MMP17: variants seen among roughly 807,000 people sequenced by gnomAD.
MMP17 encodes matrix metallopeptidase 17.
Under a neutral mutation model 49.1 loss-of-function variants are expected in MMP17, and 54 were observed. That is an observed-to-expected ratio of 1.10 (90% CI 0.88 to 1.38). MMP17 has a LOEUF of 1.38. Among genes scored for constraint, MMP17 ranks in the 40% most tolerant of loss-of-function variants. The pLI is 0.00. For synonymous variants in MMP17, 397 were observed against 383.1 expected (o/e 1.04, Z -0.42); for missense variants, 837 against 853.7 (o/e 0.98, Z 0.24).
In MMP17 at chr12:131,851,275, C is replaced by T. The variant is rs753123184; in HGVS notation, c.*1C>T. ...AGCGGCCCAGGCCCTGACGCTATGA[C>T]ACACAGCGCGAGCCCATGAGAGGAC... On this transcript the variant is annotated 3_prime_UTR_variant, in exon 10 of 10. Transcript: ENST00000360564. 3.9e-5 allele frequency: 56 copies of T among 1,418,820 alleles called. No homozygotes were observed. Among genetic ancestry groups the T allele is most frequent in the Non-Finnish European group, 5.2e-5 (56 of 1,083,256 alleles). The allele number at this position is 1,418,820 out of a possible 1,614,324, so 87.9% of individuals were successfully genotyped here.
intron 8 of MMP17, among the ~76,000 whole-genome samples, chr12:131,847,339 G>A (rs973406168): frequency 6.6e-6 from 1 of 151,402 alleles, no homozygotes; most frequent in Admixed American, 6.6e-5. Flanking sequence ...CGTGAACCTG[G>A]GAGGCGGAGT....
At chr12:131,830,990 C>T (rs1309261641) in intron 1 of MMP17, among the ~76,000 whole-genome samples, 2 of 152,224 alleles carry the variant, frequency 1.3e-5, no homozygotes, top group Non-Finnish European at 2.9e-5. Context: ...GCCTCCCTCC[C>T]GCCCCTGGTT....
chr12:131,836,818 C>G (rs1887107376), intron 1 of MMP17, among the ~76,000 whole-genome samples: 1 of 152,198 alleles, frequency 6.6e-6, no homozygotes, highest in African/African-American at 2.4e-5. Context: ...AGCTTCATGG[C>G]AGCCTGCAAG....
intron 5 of MMP17, among the ~76,000 whole-genome samples, chr12:131,843,029 T>A (rs1465041831): frequency 6.6e-6 from 1 of 152,020 alleles, no homozygotes; most frequent in Non-Finnish European, 1.5e-5. Flanking sequence ...GGAGTCTCAC[T>A]CTGTCACCCA....
chr12:131,834,694 T>TG lies in MMP17; in HGVS notation c.160-3494dup, dbSNP rs779367617. Among the ~76,000 whole-genome samples the TG allele has an allele frequency of 1.1e-4, 16 of 151,594 alleles. 1 individual carries two copies. Among genetic ancestry groups the TG allele is most frequent in the Admixed American group, 6.6e-4 (10 of 15,230 alleles). ...ATTTGCCCTGAGCTGCTGGCTGCAG[T>TG]GGGGGGGTTTGCCCCAGGACTGTGC... On this transcript the variant is annotated intron_variant, in intron 1 of 9. Transcript: ENST00000360564.
intron 7 of MMP17, 28 bp downstream of exon 7, chr12:131,845,228 G>C (rs1180261625): frequency 1.9e-6 from 3 of 1,613,886 alleles, no homozygotes; most frequent in Non-Finnish European, 2.5e-6. Context: ...GTGGCGGTTG[G>C]CTGAGGGCCA....
rs1203533660 is a variant in MMP17, at chr12:131,828,401, G to T, written c.-94G>T. ...GCTGCCGCGCGGGGCTCAGTCCGGC[G>T]GGGGCGCCGCGGAGAGCGGAGGGCG... On this transcript the variant is annotated 5_prime_UTR_variant, in exon 1 of 10. Coordinates refer to ENST00000360564, the MANE Select transcript of MMP17 (RefSeq NM_016155.7). 1 of 745,004 alleles carries T rather than the reference G, an allele frequency of 1.3e-6. No individual in the cohort carries two copies. Among genetic ancestry groups the T allele is most frequent in the Non-Finnish European group, 1.6e-6 (1 of 610,372 alleles). The allele number at this position is 745,004 out of a possible 1,614,324, so 46.1% of individuals were successfully genotyped here.
In MMP17 at chr12:131,847,039, A is replaced by C. The variant is rs141110831; in HGVS notation, c.1204+1590A>C. On this transcript the variant is annotated intron_variant, in intron 8 of 9. Transcript: ENST00000360564. Reference sequence around the variant, plus strand: ...GAGGCAGGAGGACCACCTGAGCCAGAAGGTCAAGGCTGCACTGCACCATGA... The same window carrying C: ...GAGGCAGGAGGACCACCTGAGCCAGCAGGTCAAGGCTGCACTGCACCATGA... 9.2e-3 allele frequency among the ~76,000 whole-genome samples: 1,395 copies of C among 151,342 alleles called. 6 individuals are homozygous for C. Among genetic ancestry groups the C allele is most frequent in the Non-Finnish European group, 0.013 (884 of 67,750 alleles).
rs894355506 is a variant in MMP17 at position 131,851,718 on chromosome 12, G to A, written c.*444G>A. 9.1e-5 allele frequency: 15 copies of A among 164,742 alleles called. No individual in the cohort carries two copies. The East Asian group carries it at 1.0e-3, about 11-fold the overall frequency. 10.2% of individuals were successfully genotyped at this position (164,742 alleles called of 1,614,324 possible). A position where few individuals can be genotyped will look rare whatever the true frequency, so the allele number is the denominator to read the frequency against. ...ACAGACGAGCCCCCCACATGGTGCC[G>A]CGGCACGTCCCCCCTGTGACGCGTT... On this transcript the variant is annotated 3_prime_UTR_variant, in exon 10 of 10. Transcript: ENST00000360564.
intron 8 of MMP17, 35 bp downstream of exon 8, chr12:131,845,484 C>A (rs79420934): frequency 2.0e-6 from 3 of 1,531,354 alleles, no homozygotes; most frequent in Non-Finnish European, 1.8e-6. Flanking sequence ...CCGGGCTTCC[C>A]GGGCCCTCTG....
intron 3 of MMP17, among the ~76,000 whole-genome samples, chr12:131,839,214 G>A (rs1214500109): frequency 4.6e-5 from 7 of 152,124 alleles, no homozygotes; most frequent in South Asian, 2.1e-4. Context: ...TCCGCGCGCA[G>A]CCTCCTCTCC....
At chr12:131,842,537 G>A (rs546488192) in intron 5 of MMP17, among the ~76,000 whole-genome samples, 81 of 152,280 alleles carry the variant, frequency 5.3e-4, no homozygotes, top group African/African-American at 1.9e-3. Context: ...ACTTTGGGAG[G>A]CTGAGGCGGG....
intron 1 of MMP17, among the ~76,000 whole-genome samples, chr12:131,836,157 C>T (rs2136315233): frequency 6.6e-6 from 1 of 152,240 alleles, no homozygotes; most frequent in Non-Finnish European, 1.5e-5. Flanking sequence ...GGCTGAGGGG[C>T]TGGGCTGGGT....
chr12:131,838,181 C>T lies in MMP17; in HGVS notation c.160-14C>T. On this transcript the variant is annotated splice_polypyrimidine_tract_variant and intron_variant, in intron 1 of 9. Coordinates refer to ENST00000360564, the MANE Select transcript of MMP17 (RefSeq NM_016155.7). ...CCCTCTGTTGCACCCCCTCACCCTGCTCTCTGCCCTCAGGAGTGGCTAAGC... is the reference window on the plus strand; with the variant it reads ...CCCTCTGTTGCACCCCCTCACCCTGTTCTCTGCCCTCAGGAGTGGCTAAGC... 6.2e-7 allele frequency: 1 copy of T among 1,608,294 alleles called. No individual in the cohort carries two copies. The highest frequency in any genetic ancestry group is 8.5e-7 in the Non-Finnish European group (1 of 1,177,288).
At chr12:131,848,481 C>T (rs182574387) in intron 8 of MMP17, among the ~76,000 whole-genome samples, 2 of 152,358 alleles carry the variant, frequency 1.3e-5, no homozygotes, top group East Asian at 1.9e-4. Flanking sequence ...AGCACGTTCA[C>T]GTTGCTGTGC....
At chr12:131,842,972 T>C (rs1887496713) in intron 5 of MMP17, among the ~76,000 whole-genome samples, 1 of 152,032 alleles carries the variant, frequency 6.6e-6, no homozygotes, top group Non-Finnish European at 1.5e-5. Flanking sequence ...GATGGGCCTC[T>C]AATGCAGCCA....
rs951277941 is a variant in MMP17, at chr12:131,851,174, C to T, written c.1712C>T (p.Pro571Leu). The T allele has an allele frequency of 1.3e-5, 19 of 1,485,922 alleles. No individual in the cohort carries two copies. The highest frequency in any genetic ancestry group is 7.2e-5 in the Admixed American group (3 of 41,598). 92.0% of individuals were successfully genotyped at this position (1,485,922 alleles called of 1,614,324 possible). ...CSCTSGASSPPGAPGPLVAAT... is the reference protein window; with the variant it reads ...CSCTSGASSPLGAPGPLVAAT... ...TGCACCTCTGGGGCATCCTCTCCCC[C>T]GGGGGCCCCAGGCCCACTGGTGGCT... Residue 571 changes from proline (P) to leucine (L), a missense_variant, in exon 10 of 10, where the codon CCG (proline) becomes CTG (leucine). By Grantham distance (98) the Pro-to-Leu change is moderately conservative. Coordinates refer to ENST00000360564, the MANE Select transcript of MMP17 (RefSeq NM_016155.7).
chr12:131,838,717 G>A lies in MMP17; in HGVS notation c.398G>A (p.Trp133Ter). ...CGCCAGGCTCCAGCCCCCACCAAGT[G>A]GAACAAGAGGAACCTGTCGTGGAGG... is the stretch of plus-strand genomic sequence containing the variant. ...RRRQAPAPTK[W>*]NKRNLSWRVR... The change falls in exon 3 of 10, where the codon TGG becomes TAG. Residue 133 changes from tryptophan (W) to a stop codon, truncating the protein, a stop_gained. Transcript: ENST00000360564. LOFTEE classifies it high-confidence loss of function. 6.9e-6 allele frequency: 11 copies of A among 1,590,566 alleles called. No individual in the cohort carries two copies. Among genetic ancestry groups the A allele is most frequent in the African/African-American group, 1.3e-5 (1 of 74,526 alleles).
chr12:131,838,564 G>A (rs1887205427), intron 2 of MMP17, 48 bp from the exon 3 acceptor site: 33 of 1,573,738 alleles, frequency 2.1e-5, no homozygotes, highest in Non-Finnish European at 2.8e-5. Context: ...GGATCCTAGG[G>A]TGGGGAGTGA....
Sources: allele counts gnomAD v4.1 joint callset (sites outside exome capture counted in the v4.1 genomes callset), GRCh38; gene constraint gnomAD v4.1.1; transcripts MANE v1.5; gene names NCBI Gene and HGNC (gene_info 2026-07-23, HGNC 2026-07-21).